The following RPS6KA4 variants were observed in gnomAD, a reference collection of about 807,000 sequenced individuals.
RPS6KA4 encodes the protein ribosomal protein S6 kinase alpha-4.
Under a neutral mutation model 89.6 loss-of-function variants are expected in RPS6KA4, and 38 were observed. The ratio of observed to expected loss-of-function variants is 0.42; its 90% CI spans 0.33 to 0.56. The LOEUF (loss-of-function observed/expected upper bound fraction) is 0.56, where lower values mean the gene tolerates loss of function less well. Among genes scored for constraint, RPS6KA4 ranks in the 20% least tolerant of loss-of-function variants. The pLI is 0.07. For missense variants in RPS6KA4, 873 were observed against 1,098.8 expected (o/e 0.79, Z 2.90); for synonymous variants, 495 against 492.8 (o/e 1.00, Z -0.06).
intron 4 of RPS6KA4, 150 bp downstream of exon 4, chr11:64,360,742 AC>A (rs2036723306): frequency 1.5e-6 from 1 of 681,302 alleles, no homozygotes; most frequent in Non-Finnish European, 2.4e-6. Flanking sequence ...CTTCCCCTGG[AC>A]CCCTTGCAGG....
Position 64,359,394 on chromosome 11 carries a change from C to T in RPS6KA4, c.72C>T (p.His24=), listed in dbSNP as rs571660732. ...TGCCCACAGCCAACCTGACCGGGCACGAGGAGAAGGTGAGCGTGGAGAACT... is the reference window on the plus strand; with the variant it reads ...TGCCCACAGCCAACCTGACCGGGCATGAGGAGAAGGTGAGCGTGGAGAACT... The part of the protein sequence containing the change: ...LRITEANLTG[H]EEKVSVENFE... The change falls in exon 2 of 17, where the codon CAC becomes CAT. Residue 24 remains histidine, a synonymous_variant. Coordinates refer to ENST00000334205, the MANE Select transcript of RPS6KA4 (RefSeq NM_003942.3). The T allele has an allele frequency of 1.9e-6, 3 of 1,613,510 alleles. No homozygotes were observed. The highest frequency in any genetic ancestry group is 2.2e-5 in the South Asian group (2 of 91,072).
rs1203684741 is a variant in RPS6KA4, at chr11:64,361,848, C to T, written c.756-4C>T. 1.9e-6 allele frequency: 3 copies of T among 1,611,096 alleles called. No homozygotes were observed. The East Asian group carries it at 6.7e-5, about 36-fold the overall frequency. On this transcript the variant is annotated splice_polypyrimidine_tract_variant and splice_region_variant and intron_variant, in intron 7 of 16. Transcript: ENST00000334205. The surrounding 1 kb of genome is among the most constrained non-coding windows in gnomAD (Gnocchi z 4.7). ...TGCCCCTGACACCCCCCCAATCCTC[C>T]CAGACGGATCCTGAAGTGCTCCCCT...
chr11:64,368,189 G>C lies in RPS6KA4; in HGVS notation c.1129G>C (p.Asp377His). Residue 377 changes from aspartate to histidine, a missense_variant, in exon 10 of 17, where the codon GAT (aspartate) becomes CAT (histidine). By Grantham distance (81) the Asp-to-His change is moderately conservative. This residue lies in a region of RPS6KA4 where 542 missense variants were observed against 736.4 expected (regional missense o/e 0.74). Coordinates refer to ENST00000334205, the MANE Select transcript of RPS6KA4 (RefSeq NM_003942.3). ...TGACCACAACAACGCGGTGATGACC[G>C]ATGGGCTGGAAGCGCCTGGTGCTGG... ...LFDHNNAVMT[D>H]GLEAPGAGDR... 1 of 1,613,744 alleles carries C rather than the reference G, an allele frequency of 6.2e-7. No homozygotes were observed. Among genetic ancestry groups the C allele is most frequent in the Non-Finnish European group, 8.5e-7 (1 of 1,180,032 alleles).
intron 8 of RPS6KA4, among the ~76,000 whole-genome samples, chr11:64,363,639 G>A (rs894601295): frequency 6.6e-5 from 10 of 151,942 alleles, no homozygotes; most frequent in Admixed American, 3.3e-4. Flanking sequence ...TTACAGGTGC[G>A]CACCATCATG....
Position 64,370,873 on chromosome 11 carries a change from AG to A in RPS6KA4, c.2121+149del. ...GTAATCCCAGCGCTTTGGGAGGCCG[AG>A]GCGGGCGGATCACGAGGTCAGGGGT... On this transcript the variant is annotated intron_variant, in intron 16 of 16. Transcript: ENST00000334205. This position sits in a 1 kb window ranked among gnomAD's most constrained non-coding sequence, Gnocchi z 4.1. 9.8e-7 allele frequency: 1 copy of A among 1,025,606 alleles called. No individual in the cohort carries two copies. The highest frequency in any genetic ancestry group is 1.4e-6 in the Non-Finnish European group (1 of 730,652). The allele number at this position is 1,025,606 out of a possible 1,614,324, so 63.5% of individuals were successfully genotyped here.
intron 16 of RPS6KA4, among the ~76,000 whole-genome samples, 179 bp from the exon 17 acceptor site, chr11:64,371,101 CAAA>C (rs374004148): frequency 2.9e-4 from 26 of 88,768 alleles, no homozygotes; most frequent in African/African-American, 1.2e-3. Context: ...GAGACTCCGT[CAAA>C]AAAAAAAAAA....
At chr11:64,359,758 G>T (rs3765041) in intron 2 of RPS6KA4, 123,530 of 532,032 alleles carry the variant, frequency 0.23, 15,988 homozygotes, top group South Asian at 0.33. Context: ...TCCAATATGG[G>T]ATCCCCCTCC....
Position 64,361,156 on chromosome 11 carries a change from T to C in RPS6KA4, c.485T>C (p.Leu162Pro), listed in dbSNP as rs1454598017. Residue 162 changes from leucine (L) to proline (P), a missense_variant, in exon 5 of 17, where the codon CTG becomes CCG. This residue lies in a region of RPS6KA4 where 542 missense variants were observed against 736.4 expected (regional missense o/e 0.74). Coordinates refer to ENST00000334205, the MANE Select transcript of RPS6KA4 (RefSeq NM_003942.3). This position sits in a 1 kb window ranked among gnomAD's most constrained non-coding sequence, Gnocchi z 4.7. ...CAGCTCGGCATCATTTACCGAGACC[T>C]GAAACTGGAGAATGTGCTGCTGGAC... ...LHKLGIIYRD[L>P]KLENVLLDSE... 2 of 1,613,038 alleles carry C rather than the reference T, an allele frequency of 1.2e-6. No homozygotes were observed. The highest frequency in any genetic ancestry group is 8.5e-7 in the Non-Finnish European group (1 of 1,179,936).
rs1338451086 is a variant in RPS6KA4 at position 64,370,847 on chromosome 11, T to A, written c.2121+121T>A. 15 of 1,269,064 alleles carry A rather than the reference T, an allele frequency of 1.2e-5. No individual in the cohort carries two copies. Among genetic ancestry groups the A allele is most frequent in the Admixed American group, 8.7e-5 (3 of 34,372 alleles). 78.6% of individuals were successfully genotyped at this position (1,269,064 alleles called of 1,614,324 possible). On this transcript the variant is annotated intron_variant, in intron 16 of 16. Transcript: ENST00000334205. The surrounding 1 kb of genome is among the most constrained non-coding windows in gnomAD (Gnocchi z 4.1). ...GAGGCCGGGCGCGGTGGCTCACGCC[T>A]GTAATCCCAGCGCTTTGGGAGGCCG... is the stretch of plus-strand genomic sequence containing the variant.
At chr11:64,364,707 GAGAA>G (rs2036834937) in intron 8 of RPS6KA4, among the ~76,000 whole-genome samples, 1 of 150,828 alleles carries the variant, frequency 6.6e-6, no homozygotes, top group South Asian at 2.1e-4. Flanking sequence ...AGTCCAGCAG[GAGAA>G]AGAGATTTGT....
chr11:64,361,887 G>T lies in RPS6KA4; in HGVS notation c.791G>T (p.Arg264Leu), dbSNP rs779918376. The T allele has an allele frequency of 6.2e-7, 1 of 1,612,940 alleles. No individual in the cohort carries two copies. Among genetic ancestry groups the T allele is most frequent in the East Asian group, 2.2e-5 (1 of 44,854 alleles). Residue 264 changes from arginine to leucine, a missense_variant, in exon 8 of 17, where the codon CGG becomes CTG. Coordinates refer to ENST00000334205, the MANE Select transcript of RPS6KA4 (RefSeq NM_003942.3). This position sits in a 1 kb window ranked among gnomAD's most constrained non-coding sequence, Gnocchi z 4.7. Reference protein sequence around the residue: ...ILKCSPPFPPRIGPVAQDLLQ... With the variant: ...ILKCSPPFPPLIGPVAQDLLQ... Reference sequence around the variant, plus strand: ...AAGTGCTCCCCTCCCTTCCCCCCTCGGATCGGGCCCGTGGCGCAGGACCTG... The same window carrying T: ...AAGTGCTCCCCTCCCTTCCCCCCTCTGATCGGGCCCGTGGCGCAGGACCTG...
In RPS6KA4 at chr11:64,361,215, C is replaced by T. The variant is rs1253534361; in HGVS notation, c.544C>T (p.Leu182=). 6.2e-7 allele frequency: 1 copy of T among 1,613,476 alleles called. No individual in the cohort carries two copies. The highest frequency in any genetic ancestry group is 2.2e-5 in the East Asian group (1 of 44,886). The change falls in exon 5 of 17, where the codon CTG becomes TTG. Residue 182 remains leucine, a synonymous_variant. Coordinates refer to ENST00000334205, the MANE Select transcript of RPS6KA4 (RefSeq NM_003942.3). This position sits in a 1 kb window ranked among gnomAD's most constrained non-coding sequence, Gnocchi z 4.7. ...EGHIVLTDFG[L]SKEFLTEEKE... ...CCACATTGTCCTCACGGACTTCGGG[C>T]TGAGCAAGGAGTTCCTGACGGAGGA...
chr11:64,360,156 C>T lies in RPS6KA4; in HGVS notation c.128-7C>T. On this transcript the variant is annotated splice_polypyrimidine_tract_variant and splice_region_variant and intron_variant, in intron 2 of 16. Transcript: ENST00000334205. ...GCCCACCCTCCACCCACTCGCTGCT[C>T]CCACAGCCTACGGCAAGGTGTTCCT... 6.5e-7 allele frequency: 1 copy of T among 1,542,468 alleles called. No individual in the cohort carries two copies. The highest frequency in any genetic ancestry group is 8.7e-7 in the Non-Finnish European group (1 of 1,143,788).
At position 64,370,426 on chromosome 11, in the gene RPS6KA4, C is replaced by T; in HGVS notation, c.1957+42C>T. On this transcript the variant is annotated intron_variant, in intron 15 of 16. Coordinates refer to ENST00000334205, the MANE Select transcript of RPS6KA4 (RefSeq NM_003942.3). The surrounding 1 kb of genome is among the most constrained non-coding windows in gnomAD (Gnocchi z 4.1). Reference sequence around the variant, plus strand: ...CATAGACCATGGTTGGGGAGGGGGACGCTGGGACAGGGATGGTCACTGGGC... The same window carrying T: ...CATAGACCATGGTTGGGGAGGGGGATGCTGGGACAGGGATGGTCACTGGGC... 1.9e-6 allele frequency: 3 copies of T among 1,606,946 alleles called. No homozygotes were observed. Among genetic ancestry groups the T allele is most frequent in the East Asian group, 2.2e-5 (1 of 44,718 alleles).
In RPS6KA4 at chr11:64,359,360, C is replaced by A. The variant is rs755394665; in HGVS notation, c.56-18C>A. ...GGGTCATGGACCGGCTGGGCTCATT[C>A]GCCCCCTGTGCCCACAGCCAACCTG... is the stretch of plus-strand genomic sequence containing the variant. On this transcript the variant is annotated intron_variant, in intron 1 of 16. Transcript: ENST00000334205. 26 of 1,611,890 alleles carry A rather than the reference C, an allele frequency of 1.6e-5. No homozygotes were observed. Among genetic ancestry groups the A allele is most frequent in the Middle Eastern group, 1.7e-4 (1 of 6,058 alleles).
Position 64,360,511 on chromosome 11 carries a change from C to T in RPS6KA4, c.381C>T (p.Leu127=). 1.2e-6 allele frequency: 2 copies of T among 1,611,816 alleles called. No homozygotes were observed. Among genetic ancestry groups the T allele is most frequent in the Non-Finnish European group, 1.7e-6 (2 of 1,178,920 alleles). ...YVSGGEMFTH[L]YQRQYFKEAE... ...GCGGCGGGGAGATGTTCACCCACCT[C>T]TACCAGCGCCAGTACTTCAAGGAGG... The change falls in exon 4 of 17, where the codon CTC becomes CTT. Residue 127 remains leucine (L), a synonymous_variant. Transcript: ENST00000334205.
chr11:64,361,417 C>G lies in RPS6KA4; in HGVS notation c.571-52C>G, dbSNP rs919327599. 3 of 1,598,112 alleles carry G rather than the reference C, an allele frequency of 1.9e-6. No individual in the cohort carries two copies. The African/African-American group carries it at 4.0e-5, about 21-fold the overall frequency. Reference sequence around the variant, plus strand: ...GTCTTACTCTGGGCCTTGTGGGGCACTGGGGCACAGGAGAGGTTTCGACAT... The same window carrying G: ...GTCTTACTCTGGGCCTTGTGGGGCAGTGGGGCACAGGAGAGGTTTCGACAT... On this transcript the variant is annotated intron_variant, in intron 5 of 16. Coordinates refer to ENST00000334205, the MANE Select transcript of RPS6KA4 (RefSeq NM_003942.3). This position sits in a 1 kb window ranked among gnomAD's most constrained non-coding sequence, Gnocchi z 4.7.
intron 12 of RPS6KA4, among the ~76,000 whole-genome samples, chr11:64,369,120 G>T (rs1662188): frequency 0.65 from 97,977 of 151,816 alleles, 31,850 homozygotes; most frequent in East Asian, 0.78. Flanking sequence ...GCGAAACCCC[G>T]TCTCTACGAA....
chr11:64,359,535 A>G lies in RPS6KA4; in HGVS notation c.127+86A>G, dbSNP rs1030962585. The G allele has an allele frequency of 5.7e-6, 8 of 1,411,444 alleles. No homozygotes were observed. The African/African-American group carries it at 1.1e-4, about 20-fold the overall frequency. The allele number at this position is 1,411,444 out of a possible 1,614,324, so 87.4% of individuals were successfully genotyped here. Reference sequence around the variant, plus strand: ...CTCACTCTTGGGCCTGGGCCAGGCCACTGAGCAGGCCCCCCACCCTTTCCC... The same window carrying G: ...CTCACTCTTGGGCCTGGGCCAGGCCGCTGAGCAGGCCCCCCACCCTTTCCC... On this transcript the variant is annotated intron_variant, in intron 2 of 16. Coordinates refer to ENST00000334205, the MANE Select transcript of RPS6KA4 (RefSeq NM_003942.3).
Sources: allele counts gnomAD v4.1 joint callset (sites outside exome capture counted in the v4.1 genomes callset), GRCh38; gene constraint gnomAD v4.1.1; regional missense constraint gnomAD v4.1.1; non-coding constraint Gnocchi (gnomAD v3.1); transcripts MANE v1.5; gene names NCBI Gene and HGNC (gene_info 2026-07-23, HGNC 2026-07-21).